Variants in STAC2 observed in about 807,000 individuals in gnomAD.
STAC2 encodes the protein SH3 and cysteine rich domain 2.
Under a neutral mutation model 49.0 loss-of-function variants are expected in STAC2, and 36 were observed. That is an observed-to-expected ratio of 0.74 (90% CI 0.56 to 0.97). The LOEUF (loss-of-function observed/expected upper bound fraction) is 0.97, where lower values mean the gene tolerates loss of function less well. STAC2 is among the 50% of genes least tolerant of loss of function. The pLI is 0.00. For missense variants in STAC2, 527 were observed against 543.8 expected, an observed-to-expected ratio of 0.97 and a Z score of 0.31; for synonymous variants, 239 against 214.7, an observed-to-expected ratio of 1.11 and a Z score of -0.99.
At position 39,225,765 on chromosome 17, in the gene STAC2, C is replaced by G; in HGVS notation, c.-263G>C. ...CCGAGGGTCTGCAGAGGATGCTGCT[C>G]GCAGCGCGGGGAGGAGGGAAGTGGG... On this transcript the variant is annotated 5_prime_UTR_variant, in exon 1 of 11. Coordinates refer to ENST00000333461, the MANE Select transcript of STAC2 (RefSeq NM_198993.5). The surrounding 1 kb of genome is among the most constrained non-coding windows in gnomAD (Gnocchi z 8.2). The G allele has an allele frequency of 2.0e-6, 1 of 496,528 alleles. No individual in the cohort carries two copies. Among genetic ancestry groups the G allele is most frequent in the Non-Finnish European group, 3.6e-6 (1 of 278,400 alleles). 30.8% of individuals were successfully genotyped at this position (496,528 alleles called of 1,614,324 possible). A position where few individuals can be genotyped will look rare whatever the true frequency, so the allele number is the denominator to read the frequency against.
intron 1 of STAC2, among the ~76,000 whole-genome samples, chr17:39,219,487 G>A (rs992034172): frequency 1.3e-5 from 2 of 152,126 alleles, no homozygotes; most frequent in African/African-American, 2.4e-5. Flanking sequence ...AGCTCCACTC[G>A]GGTGATGCTT....
chr17:39,224,870 G>T (rs2046496399), intron 1 of STAC2, among the ~76,000 whole-genome samples: 1 of 152,166 alleles, frequency 6.6e-6, no homozygotes, highest in South Asian at 2.1e-4. Flanking sequence ...AACAGGGCTA[G>T]GAGCGGGGAA....
At position 39,225,510 on chromosome 17, in the gene STAC2, G is replaced by C. The variant is rs781135558; in HGVS notation, c.-8C>G. On this transcript the variant is annotated 5_prime_UTR_variant, in exon 1 of 11. Transcript: ENST00000333461. This position sits in a 1 kb window ranked among gnomAD's most constrained non-coding sequence, Gnocchi z 8.2. The stretch of plus-strand genomic sequence containing the variant: ...CTCGCTCATCTCGGTCATGGTTCGG[G>C]GAGAGGGGAGGAGAGGGTGCCGAGA... 1 of 1,609,194 alleles carries C rather than the reference G, an allele frequency of 6.2e-7. No homozygotes were observed. Among genetic ancestry groups the C allele is most frequent in the Non-Finnish European group, 8.5e-7 (1 of 1,178,476 alleles).
intron 1 of STAC2, among the ~76,000 whole-genome samples, chr17:39,223,643 C>T (rs1480455028): frequency 1.3e-5 from 2 of 152,216 alleles, no homozygotes; most frequent in Admixed American, 1.3e-4. Flanking sequence ...AGCACTACCC[C>T]ACACTCCTGC....
At chr17:39,222,524 C>G (rs1313770619) in intron 1 of STAC2, among the ~76,000 whole-genome samples, 1 of 152,212 alleles carries the variant, frequency 6.6e-6, no homozygotes, top group African/African-American at 2.4e-5. Context: ...CTTGGCTACC[C>G]AAACCACATT....
chr17:39,225,261 C>A lies in STAC2; in HGVS notation c.90+152G>T. The A allele has an allele frequency of 1.6e-6, 1 of 630,330 alleles. No individual in the cohort carries two copies. The highest frequency in any genetic ancestry group is 2.6e-6 in the Non-Finnish European group (1 of 384,988). The allele number at this position is 630,330 out of a possible 1,614,324, so 39.0% of individuals were successfully genotyped here. On this transcript the variant is annotated intron_variant, in intron 1 of 10. Coordinates refer to ENST00000333461, the MANE Select transcript of STAC2 (RefSeq NM_198993.5). The surrounding 1 kb of genome is among the most constrained non-coding windows in gnomAD (Gnocchi z 8.2). ...GCTCCTTGTGGCCCCTCGTCGCCAACCCACTCCTACCCCCGGGAGCGGCGC... is the reference window on the plus strand; with the variant it reads ...GCTCCTTGTGGCCCCTCGTCGCCAAACCACTCCTACCCCCGGGAGCGGCGC...
At chr17:39,215,981 C>T (rs1203640366) in intron 4 of STAC2, among the ~76,000 whole-genome samples, 3 of 152,108 alleles carry the variant, frequency 2.0e-5, no homozygotes, top group African/African-American at 7.2e-5. Flanking sequence ...TGTGAGCCAC[C>T]ACACTTGGCA....
rs2046500164 is a variant in STAC2 at position 39,225,184 on chromosome 17, C to T, written c.90+229G>A. ...TCCAACGAAGACCAGTGGCCGCCTC[C>T]CCAGAAGGTCGCGATGGCGCGCGCG... On this transcript the variant is annotated intron_variant, in intron 1 of 10. Coordinates refer to ENST00000333461, the MANE Select transcript of STAC2 (RefSeq NM_198993.5). The surrounding 1 kb of genome is among the most constrained non-coding windows in gnomAD (Gnocchi z 8.2). Among the ~76,000 whole-genome samples, 1 of 152,152 alleles carries T rather than the reference C, an allele frequency of 6.6e-6. No homozygotes were observed. Among genetic ancestry groups the T allele is most frequent in the Non-Finnish European group, 1.5e-5 (1 of 68,006 alleles).
Position 39,210,651 on chromosome 17 carries a change from G to C in STAC2, c.*1641C>G, listed in dbSNP as rs950045309. On this transcript the variant is annotated 3_prime_UTR_variant, in exon 11 of 11. Coordinates refer to ENST00000333461, the MANE Select transcript of STAC2 (RefSeq NM_198993.5). ...GCCCGCCCCTGGGATATTGCTGGGG[G>C]GGGGGGCCTCATGGCAGCAAACAGG... The C allele has an allele frequency of 6.6e-6, 1 of 152,578 alleles. No homozygotes were observed. Among genetic ancestry groups the C allele is most frequent in the South Asian group, 2.1e-4 (1 of 4,800 alleles). The allele number at this position is 152,578 out of a possible 1,614,324, so 9.5% of individuals were successfully genotyped here. A position where few individuals can be genotyped will look rare whatever the true frequency, so the allele number is the denominator to read the frequency against.
rs1207853730 is a variant in STAC2 at position 39,213,267 on chromosome 17, C to G, written c.994-135G>C. The G allele has an allele frequency of 1.0e-5, 15 of 1,456,628 alleles. No individual in the cohort carries two copies. The East Asian group carries it at 2.8e-4, about 27-fold the overall frequency. The allele number at this position is 1,456,628 out of a possible 1,614,324, so 90.2% of individuals were successfully genotyped here. On this transcript the variant is annotated intron_variant, in intron 9 of 10. Transcript: ENST00000333461. ...ATCTAGGGCTCTCCGGATTCCAGCC[C>G]CCAGCCAGGTGGCTTCTGGGCCAGG... is the stretch of plus-strand genomic sequence containing the variant.
intron 1 of STAC2, among the ~76,000 whole-genome samples, chr17:39,223,144 G>A (rs1361170522): frequency 2.6e-5 from 4 of 152,216 alleles, no homozygotes; most frequent in Admixed American, 6.5e-5. Flanking sequence ...AGCCTGGAAT[G>A]TTGGCATCAC....
chr17:39,217,103 G>A lies in STAC2; in HGVS notation c.468C>T (p.Ile156=). Residue 156 remains isoleucine, a synonymous_variant, in exon 3 of 11, where the codon ATC becomes ATT. Transcript: ENST00000333461. ...VSVHLWCSEE[I]SHQQCPGKTS... is the part of the protein sequence containing the mutation. ...TCTTGCCTGGGCATTGCTGGTGGGAGATCTCCTCAGAGCACCAGAGGTGGA... is the reference window on the plus strand; with the variant it reads ...TCTTGCCTGGGCATTGCTGGTGGGAAATCTCCTCAGAGCACCAGAGGTGGA... 6.2e-7 allele frequency: 1 copy of A among 1,614,010 alleles called. No homozygotes were observed. The highest frequency in any genetic ancestry group is 8.5e-7 in the Non-Finnish European group (1 of 1,179,978).
rs552397510 is a variant in STAC2 at position 39,212,593 on chromosome 17, A to G, written c.1132-197T>C. On this transcript the variant is annotated intron_variant, in intron 10 of 10. Coordinates refer to ENST00000333461, the MANE Select transcript of STAC2 (RefSeq NM_198993.5). ...AGCAGCAAGACCAGCACGTCAGCAG[A>G]CACCCAGCAGCACTTCAGGGCTGAC... Among the ~76,000 whole-genome samples the G allele has an allele frequency of 2.6e-5, 4 of 152,288 alleles. No homozygotes were observed. The South Asian group carries it at 6.2e-4, about 24-fold the overall frequency.
chr17:39,215,232 T>A lies in STAC2; in HGVS notation c.587-2A>T. On this transcript the variant is annotated splice_acceptor_variant, in intron 4 of 10. Coordinates refer to ENST00000333461, the MANE Select transcript of STAC2 (RefSeq NM_198993.5). LOFTEE classifies it high-confidence loss of function. ...CAGGGTCCACCTTCCCACTGTCCCC[T>A]GCAGATTATCCACCCTCAAGGCCTG... 6.2e-7 allele frequency: 1 copy of A among 1,613,844 alleles called. No homozygotes were observed. The highest frequency in any genetic ancestry group is 8.5e-7 in the Non-Finnish European group (1 of 1,179,886).
In STAC2 at chr17:39,221,320, C is replaced by T. The variant is rs56213453; in HGVS notation, c.91-3147G>A. ...TTCACCGTATTGGCTAGGCTGCTCT[C>T]GAACTCCTGACCTCATGATCCGCCC... is the stretch of plus-strand genomic sequence containing the variant. On this transcript the variant is annotated intron_variant, in intron 1 of 10. Coordinates refer to ENST00000333461, the MANE Select transcript of STAC2 (RefSeq NM_198993.5). Among the ~76,000 whole-genome samples, 925 of 151,844 alleles carry T rather than the reference C, an allele frequency of 6.1e-3. 6 individuals are homozygous for T. The highest frequency in any genetic ancestry group is 9.6e-3 in the Non-Finnish European group (649 of 67,910).
rs775401753 is a variant in STAC2, at chr17:39,216,896, G to A, written c.500C>T (p.Thr167Ile). ...SHQQCPGKTSTSFRRNFSSPL... is the reference protein window; with the variant it reads ...SHQQCPGKTSISFRRNFSSPL... Reference sequence around the variant, plus strand: ...GGAACTGAAGTTGCGGCGGAAGGAGGTGGACTATGGCAAGAGAGGGCAGAG... The same window carrying A: ...GGAACTGAAGTTGCGGCGGAAGGAGATGGACTATGGCAAGAGAGGGCAGAG... Residue 167 changes from threonine to isoleucine, a missense_variant, in exon 4 of 11, where the codon ACC (threonine) becomes ATC (isoleucine). Thr to Ile is a moderately conservative substitution (Grantham distance 89). Transcript: ENST00000333461. The A allele has an allele frequency of 6.2e-7, 1 of 1,600,440 alleles. No individual in the cohort carries two copies. The highest frequency in any genetic ancestry group is 8.5e-7 in the Non-Finnish European group (1 of 1,173,498).
In STAC2 at chr17:39,225,553, C is replaced by A. The variant is rs376996707; in HGVS notation, c.-51G>T. The A allele has an allele frequency of 1.3e-6, 2 of 1,566,542 alleles. No individual in the cohort carries two copies. The highest frequency in any genetic ancestry group is 1.4e-5 in the African/African-American group (1 of 73,408). On this transcript the variant is annotated 5_prime_UTR_variant, in exon 1 of 11. Transcript: ENST00000333461. The surrounding 1 kb of genome is among the most constrained non-coding windows in gnomAD (Gnocchi z 8.2). ...TGCCGAGATCCGACGGCAGGCCCAC[C>A]GCGGGCAGGCTGCGGGTGGCGGGCG...
chr17:39,212,870 C>A, intron 10 of STAC2, 125 bp downstream of exon 10: 2 of 1,465,922 alleles, frequency 1.4e-6, no homozygotes, highest in South Asian at 1.3e-5. Context: ...CTTTCTAACC[C>A]GCTTTCCCCT....
intron 1 of STAC2, among the ~76,000 whole-genome samples, chr17:39,224,924 A>G (rs2046497084): frequency 6.6e-6 from 1 of 152,130 alleles, no homozygotes; most frequent in African/African-American, 2.4e-5. Flanking sequence ...TGAGACGCGG[A>G]GATAAACACC....
Sources: gnomAD v4.1 joint callset for allele counts (sites outside exome capture counted in the v4.1 genomes callset) on GRCh38, gnomAD v4.1.1 for gene constraint, Gnocchi (gnomAD v3.1) non-coding constraint, MANE v1.5 for transcripts, NCBI Gene and HGNC (gene_info 2026-07-23, HGNC 2026-07-21) for gene names.